The following TTBK2 variants were observed in gnomAD, a reference collection of about 807,000 sequenced individuals.
TTBK2 encodes the protein tau tubulin kinase 2, also known as tau-tubulin kinase 2.
A neutral mutation model predicts 110.8 loss-of-function variants in TTBK2; 28 were observed. That is an observed-to-expected ratio of 0.25 (90% CI 0.19 to 0.35). The LOEUF is 0.35. Ranked by LOEUF, TTBK2 falls within the 10% of genes least tolerant of loss-of-function variation. The pLI is 1.00. For missense variants in TTBK2, 1,369 were observed against 1,500.3 expected, an observed-to-expected ratio of 0.91 and a Z score of 1.45; for synonymous variants, 532 against 527.3, an observed-to-expected ratio of 1.01 and a Z score of -0.12.
In TTBK2 at chr15:42,743,458, G is replaced by A. The variant is rs895297558; in HGVS notation, c.*2337C>T. 1 of 152,174 alleles carries A rather than the reference G, an allele frequency of 6.6e-6. No homozygotes were observed. The highest frequency in any genetic ancestry group is 1.5e-5 in the Non-Finnish European group (1 of 68,024). The allele number at this position is 152,174 out of a possible 1,614,324, so 9.4% of individuals were successfully genotyped here. ...TACTAGCATATTTCCGACTAAAGGG[G>A]TCAGGATTTAAAGCTAGCTACTTTT... is the stretch of plus-strand genomic sequence containing the variant. On this transcript the variant is annotated 3_prime_UTR_variant, in exon 15 of 15. Coordinates refer to ENST00000267890, the MANE Select transcript of TTBK2 (RefSeq NM_173500.4).
chr15:42,909,657 A>G (rs1452270740), intron 1 of TTBK2, among the ~76,000 whole-genome samples: 1 of 152,220 alleles, frequency 6.6e-6, no homozygotes, highest in Non-Finnish European at 1.5e-5. Flanking sequence ...ATATTGCTAT[A>G]CTGAACTACA....
chr15:42,793,849 A>T (rs938174725), intron 10 of TTBK2, among the ~76,000 whole-genome samples: 25 of 152,078 alleles, frequency 1.6e-4, no homozygotes, highest in Non-Finnish European at 2.9e-4. Flanking sequence ...AAAAAAAAAA[A>T]AAATAAAAGC....
intron 4 of TTBK2, among the ~76,000 whole-genome samples, chr15:42,833,245 T>A (rs1892835637): frequency 7.9e-6 from 1 of 126,384 alleles, no homozygotes; most frequent in African/African-American, 3.4e-5. Flanking sequence ...CACCAAATTT[T>A]GTAAAAAAAA....
intron 1 of TTBK2, among the ~76,000 whole-genome samples, chr15:42,915,855 G>T (rs116182204): frequency 0.024 from 3,720 of 152,160 alleles, 140 homozygotes; most frequent in African/African-American, 0.079. Context: ...GCTAAGGGGG[G>T]AGGACTGCCT....
chr15:42,834,196 A>AAGGGG (rs1555429705), intron 4 of TTBK2, among the ~76,000 whole-genome samples: 2 of 124,312 alleles, frequency 1.6e-5, no homozygotes, highest in African/African-American at 6.7e-5. Context: ...AAAAAAAAAA[A>AAGGGG]GGGGGGGGGT....
rs370550891 is a variant in TTBK2, at chr15:42,752,282, G to A, written c.2964C>T (p.Phe988=). Residue 988 remains phenylalanine, a synonymous_variant, in exon 14 of 15, where the codon TTC becomes TTT. Coordinates refer to ENST00000267890, the MANE Select transcript of TTBK2 (RefSeq NM_173500.4). ...LVKLLVEKRQ[F]KSFLGDLSSA... ...TTGAGAGGTCGCCAAGGAAGGACTT[G>A]AATTGTCTTTTTTCCACCAGAAGCT... is the stretch of plus-strand genomic sequence containing the variant. The A allele has an allele frequency of 1.2e-6, 2 of 1,614,036 alleles. No individual in the cohort carries two copies. The highest frequency in any genetic ancestry group is 2.7e-5 in the African/African-American group (2 of 74,898).
chr15:42,850,853 A>C (rs984747234), intron 3 of TTBK2, among the ~76,000 whole-genome samples: 1 of 152,068 alleles, frequency 6.6e-6, no homozygotes, highest in African/African-American at 2.4e-5. Context: ...ATTTTTTAAA[A>C]GAAGAAAAAA....
At chr15:42,859,208 G>A (rs1441247540) in intron 3 of TTBK2, among the ~76,000 whole-genome samples, 5 of 152,134 alleles carry the variant, frequency 3.3e-5, no homozygotes, top group African/African-American at 4.8e-5. Context: ...GGGCTCAAGT[G>A]ATCTTCCCAC....
chr15:42,866,387 G>A (rs1490641155), intron 3 of TTBK2, among the ~76,000 whole-genome samples: 1 of 152,124 alleles, frequency 6.6e-6, no homozygotes, highest in East Asian at 1.9e-4. Context: ...AAACATGCAT[G>A]CATCTAACAA....
At chr15:42,748,314 G>T (rs2061822568) in intron 14 of TTBK2, among the ~76,000 whole-genome samples, 1 of 152,080 alleles carries the variant, frequency 6.6e-6, no homozygotes, top group African/African-American at 2.4e-5. Flanking sequence ...AAAATTAGCT[G>T]GGTGTGGTGG....
intron 13 of TTBK2, among the ~76,000 whole-genome samples, chr15:42,773,664 G>A (rs1456285747): frequency 6.6e-6 from 1 of 152,044 alleles, no homozygotes; most frequent in African/African-American, 2.4e-5. Context: ...CCTCCATGAA[G>A]GGAGGCACAC....
intron 10 of TTBK2, among the ~76,000 whole-genome samples, chr15:42,789,500 G>A (rs1890553481): frequency 6.6e-6 from 1 of 152,100 alleles, no homozygotes. Flanking sequence ...TTGGGAGGTT[G>A]AGGCAGGTGG....
intron 1 of TTBK2, among the ~76,000 whole-genome samples, chr15:42,908,548 G>T (rs1467070729): frequency 6.6e-6 from 1 of 152,132 alleles, no homozygotes; most frequent in African/African-American, 2.4e-5. Flanking sequence ...TATAAAGGAA[G>T]CATTATCATA....
In TTBK2 at chr15:42,751,974, C is replaced by T. The variant is rs778205234; in HGVS notation, c.3272G>A (p.Arg1091Lys). The T allele has an allele frequency of 6.2e-7, 1 of 1,614,116 alleles. No homozygotes were observed. The highest frequency in any genetic ancestry group is 1.1e-5 in the South Asian group (1 of 91,064). Residue 1091 changes from arginine to lysine, a missense_variant and splice_region_variant, in exon 14 of 15, where the codon AGG becomes AAG. Physicochemically the swap from Arg to Lys is conservative, Grantham distance 26. Coordinates refer to ENST00000267890, the MANE Select transcript of TTBK2 (RefSeq NM_173500.4). ...ACACAGGGAGAGCACACAGCATTAC[C>T]TGGCTTCTACTCCAGGCCTCGTGGG... ...KPPTRPGVEA[R>K]LRRYKVLGSS...
At chr15:42,801,864 G>T in intron 9 of TTBK2, 1 of 1,022,370 alleles carries the variant, frequency 9.8e-7, no homozygotes, top group Non-Finnish European at 1.5e-6. Context: ...TACATTTACT[G>T]ATCTCAACCT....
At chr15:42,868,576 G>T (rs1252653407) in intron 3 of TTBK2, among the ~76,000 whole-genome samples, 1 of 152,056 alleles carries the variant, frequency 6.6e-6, no homozygotes, top group Non-Finnish European at 1.5e-5. Flanking sequence ...CCTGTCTCAG[G>T]CTGGGTGTGG....
At chr15:42,794,866 G>A in intron 9 of TTBK2, 65 bp from the exon 10 acceptor site, 2 of 1,589,612 alleles carry the variant, frequency 1.3e-6, no homozygotes, top group Non-Finnish European at 1.7e-6. Flanking sequence ...TTCTATAAGA[G>A]AAAGCACACC....
At chr15:42,788,144 T>C (rs536402429) in intron 10 of TTBK2, among the ~76,000 whole-genome samples, 1 of 152,314 alleles carries the variant, frequency 6.6e-6, no homozygotes, top group South Asian at 2.1e-4. Flanking sequence ...CTGATTGCGA[T>C]GTCATTACAC....
intron 1 of TTBK2, among the ~76,000 whole-genome samples, chr15:42,882,435 C>T (rs941988525): frequency 6.6e-6 from 1 of 151,256 alleles, no homozygotes; most frequent in Non-Finnish European, 1.5e-5. Flanking sequence ...CTCATCTCTA[C>T]TTAAAATACA....
Sources: gnomAD v4.1 joint callset for allele counts (sites outside exome capture counted in the v4.1 genomes callset) on GRCh38, gnomAD v4.1.1 for gene constraint, MANE v1.5 for transcripts, NCBI Gene and HGNC (gene_info 2026-07-23, HGNC 2026-07-21) for gene names.